Variants in YEATS2 observed in about 807,000 individuals in gnomAD.
YEATS2 encodes YEATS domain-containing protein 2.
In YEATS2, 77 loss-of-function variants were observed where a neutral mutation model predicts 163.2. The ratio of observed to expected loss-of-function variants is 0.47; its 90% CI spans 0.39 to 0.57. The LOEUF (loss-of-function observed/expected upper bound fraction) is 0.57, where lower values mean the gene tolerates loss of function less well. YEATS2 is among the 20% of genes least tolerant of loss of function. The pLI, the probability that YEATS2 is intolerant of heterozygous loss-of-function variation, is 0.00. For missense variants in YEATS2, 1,549 were observed against 1,729.8 expected (o/e 0.90, Z 1.85); for synonymous variants, 631 against 645.1 (o/e 0.98, Z 0.33).
chr3:183,741,074 GA>G, intron 8 of YEATS2, among the ~76,000 whole-genome samples: 3 of 151,930 alleles, frequency 2.0e-5, no homozygotes, highest in African/African-American at 7.3e-5. Flanking sequence ...AAGTAGCTAG[GA>G]TTACAGACCC....
At chr3:183,763,415 C>T (rs775211755) in intron 15 of YEATS2, among the ~76,000 whole-genome samples, 19 of 152,178 alleles carry the variant, frequency 1.2e-4, no homozygotes, top group Non-Finnish European at 2.6e-4. Context: ...TTAATATATG[C>T]AGTCTGTCAT....
chr3:183,781,528 G>C (rs1324152702), intron 19 of YEATS2, among the ~76,000 whole-genome samples: 1 of 152,052 alleles, frequency 6.6e-6, no homozygotes, highest in African/African-American at 2.4e-5. Context: ...AGGTATCTGG[G>C]CATCCCTCAG....
In YEATS2 at chr3:183,761,537, C is replaced by T. The variant is rs747883995; in HGVS notation, c.1687C>T (p.Pro563Ser). The T allele has an allele frequency of 6.2e-7, 1 of 1,614,150 alleles. No homozygotes were observed. Among genetic ancestry groups the T allele is most frequent in the Non-Finnish European group, 8.5e-7 (1 of 1,180,024 alleles). Residue 563 changes from proline to serine, a missense_variant, in exon 14 of 31, where the codon CCT (proline) becomes TCT (serine). Physicochemically the swap from Pro to Ser is moderately conservative, Grantham distance 74. Coordinates refer to ENST00000305135, the MANE Select transcript of YEATS2 (RefSeq NM_018023.5). Reference protein sequence around the residue: ...QEDSLFASMPPLCPIGSHPKV... With the variant: ...QEDSLFASMPSLCPIGSHPKV... ...GGATTCTTTGTTTGCATCTATGCCA[C>T]CTCTTTGCCCAATTGGGAGTCACCC... is the stretch of plus-strand genomic sequence containing the variant.
chr3:183,756,205 A>G (rs1264718313), intron 11 of YEATS2, among the ~76,000 whole-genome samples: 2 of 152,242 alleles, frequency 1.3e-5, no homozygotes, highest in Non-Finnish European at 2.9e-5. Flanking sequence ...CTGAACTATA[A>G]GGTGCATACC....
intron 1 of YEATS2, among the ~76,000 whole-genome samples, chr3:183,708,186 G>T (rs1360076589): frequency 8.2e-6 from 1 of 122,602 alleles, no homozygotes; most frequent in Non-Finnish European, 1.6e-5. Flanking sequence ...TTTTTGATAC[G>T]GAGTCTTGCT....
intron 28 of YEATS2, chr3:183,807,391 C>A (rs1230765454): frequency 2.3e-5 from 8 of 350,356 alleles, no homozygotes; most frequent in Non-Finnish European, 4.3e-5. Flanking sequence ...GTTGATTACT[C>A]TTCATCTTGT....
intron 27 of YEATS2, among the ~76,000 whole-genome samples, chr3:183,805,459 A>G (rs1726094060): frequency 6.6e-6 from 1 of 151,914 alleles, no homozygotes; most frequent in Middle Eastern, 3.2e-3. Flanking sequence ...GAAAAACAGA[A>G]GCTCCACCCC....
intron 27 of YEATS2, 47 bp from the exon 28 acceptor site, chr3:183,806,819 T>A: frequency 6.2e-7 from 1 of 1,603,832 alleles, no homozygotes; most frequent in Non-Finnish European, 8.5e-7. Context: ...GAAAGTCCTC[T>A]TCCGTTGGCC....
chr3:183,776,663 T>G (rs1376108262), intron 18 of YEATS2, among the ~76,000 whole-genome samples: 1 of 152,092 alleles, frequency 6.6e-6, no homozygotes, highest in East Asian at 1.9e-4. Context: ...ATGGTAGAAT[T>G]TGGGTTTAAG....
At chr3:183,756,503 G>T in intron 11 of YEATS2, 25 bp from the exon 12 acceptor site, 2 of 1,525,540 alleles carry the variant, frequency 1.3e-6, no homozygotes, top group South Asian at 1.3e-5. Context: ...TATTTTGTTT[G>T]TATTCTCTCT....
chr3:183,731,804 T>G (rs1017349132), intron 7 of YEATS2, among the ~76,000 whole-genome samples: 2 of 152,226 alleles, frequency 1.3e-5, no homozygotes, highest in African/African-American at 4.8e-5. Flanking sequence ...GTTTTCAGCC[T>G]GATCTGTGCC....
chr3:183,779,368 G>T (rs2108426402), intron 19 of YEATS2, among the ~76,000 whole-genome samples: 2 of 152,254 alleles, frequency 1.3e-5, no homozygotes, highest in South Asian at 4.1e-4. Flanking sequence ...CAGATACAAG[G>T]CCCTGCAGTT....
chr3:183,740,229 A>C (rs1718800741), intron 8 of YEATS2, among the ~76,000 whole-genome samples: 1 of 151,988 alleles, frequency 6.6e-6, no homozygotes, highest in African/African-American at 2.4e-5. Flanking sequence ...GCTAATATCC[A>C]GAATCTACAA....
At chr3:183,703,502 A>G (rs1577022779) in intron 1 of YEATS2, among the ~76,000 whole-genome samples, 2 of 152,178 alleles carry the variant, frequency 1.3e-5, no homozygotes, top group South Asian at 2.1e-4. Context: ...AACCTAATAG[A>G]TAACTTCTCG....
chr3:183,798,590 G>C (rs1460008485), intron 22 of YEATS2, among the ~76,000 whole-genome samples: 1 of 152,142 alleles, frequency 6.6e-6, no homozygotes, highest in African/African-American at 2.4e-5. Context: ...CTGACCTCAG[G>C]TGATCCACCC....
chr3:183,792,610 C>T (rs1214004288), intron 21 of YEATS2, among the ~76,000 whole-genome samples: 2 of 152,134 alleles, frequency 1.3e-5, no homozygotes, highest in African/African-American at 2.4e-5. Flanking sequence ...CTCTGCTTCC[C>T]GGGTTCAAGC....
At chr3:183,780,780 G>T (rs543942389) in intron 19 of YEATS2, among the ~76,000 whole-genome samples, 10 of 152,106 alleles carry the variant, frequency 6.6e-5, no homozygotes, top group Non-Finnish European at 8.8e-5. Context: ...TATTATAAAG[G>T]ATTTGTATTG....
intron 7 of YEATS2, 129 bp from the exon 8 acceptor site, chr3:183,736,589 T>C: frequency 1.5e-6 from 1 of 671,276 alleles, no homozygotes; most frequent in Non-Finnish European, 2.4e-6. Flanking sequence ...TGATTTAGTT[T>C]TAAACGAGGA....
At chr3:183,742,448 AC>A (rs1248142460) in intron 8 of YEATS2, among the ~76,000 whole-genome samples, 1 of 152,154 alleles carries the variant, frequency 6.6e-6, no homozygotes, top group Non-Finnish European at 1.5e-5. Flanking sequence ...TAAGTTCAAG[AC>A]TTCAGCGGAG....
Sources: gnomAD v4.1 joint callset for allele counts (sites outside exome capture counted in the v4.1 genomes callset) on GRCh38, gnomAD v4.1.1 for gene constraint, MANE v1.5 for transcripts, NCBI Gene and HGNC (gene_info 2026-07-23, HGNC 2026-07-21) for gene names.